NTN5: variants seen among roughly 807,000 people sequenced by gnomAD.
The protein encoded by NTN5 is netrin-5.
A neutral mutation model predicts 38.7 loss-of-function variants in NTN5; 42 were observed. The ratio of observed to expected loss-of-function variants is 1.08; its 90% CI spans 0.85 to 1.40. NTN5 has a LOEUF of 1.40. Ranked by LOEUF, NTN5 falls within the 40% of genes most tolerant of loss-of-function variation. The probability of loss-of-function intolerance (pLI) is 0.00; values close to 1 mark genes in which losing one functional copy is unlikely to be tolerated. For missense variants in NTN5, 658 were observed against 716.5 expected, an observed-to-expected ratio of 0.92 and a Z score of 0.93; for synonymous variants, 329 against 303.9, an observed-to-expected ratio of 1.08 and a Z score of -0.86.
chr19:48,664,103 C>T (rs376971970), intron 4 of NTN5, 40 bp downstream of exon 4: 202 of 1,567,602 alleles, frequency 1.3e-4, no homozygotes, highest in Non-Finnish European at 1.7e-4. Context: ...GTCTCCTTCC[C>T]GCTCTACTCA....
chr19:48,671,809 C>T (rs1299840910), intron 1 of NTN5, among the ~76,000 whole-genome samples: 2 of 151,556 alleles, frequency 1.3e-5, no homozygotes, highest in Non-Finnish European at 2.9e-5. Context: ...CCCAGCCTCC[C>T]TGCCACCCGC....
chr19:48,670,284 C>G, intron 2 of NTN5, 72 bp downstream of exon 2: 1 of 1,336,600 alleles, frequency 7.5e-7, no homozygotes. Flanking sequence ...AGGGAACATC[C>G]TGCTCCCGTA....
At chr19:48,664,319 TG>T (rs2031634160) in intron 3 of NTN5, 27 bp from the exon 4 acceptor site, 1 of 1,605,796 alleles carries the variant, frequency 6.2e-7, no homozygotes, top group African/African-American at 1.3e-5. Flanking sequence ...GCTGGGGGCA[TG>T]GGGTATCAGG....
chr19:48,663,735 G>A, intron 5 of NTN5, 26 bp downstream of exon 5: 1 of 1,611,964 alleles, frequency 6.2e-7, no homozygotes, highest in South Asian at 1.1e-5. Flanking sequence ...TTGCCACTCA[G>A]GGACCTCCGT....
chr19:48,668,240 G>A (rs1215199429), intron 2 of NTN5, among the ~76,000 whole-genome samples: 3 of 152,244 alleles, frequency 2.0e-5, no homozygotes, highest in South Asian at 4.1e-4. Flanking sequence ...TGAGACTTAG[G>A]GCAAGTGACC....
rs867821706 is a variant in NTN5 at position 48,669,243 on chromosome 19, C to T, written c.631+1113G>A. On this transcript the variant is annotated intron_variant, in intron 2 of 6. Transcript: ENST00000270235. ...ACCACCACGACCATCATCACCACCA[C>T]CACCATCACCACCACCACGACCATC... 3.3e-3 allele frequency among the ~76,000 whole-genome samples: 51 copies of T among 15,618 alleles called. 6 individuals are homozygous for T. The East Asian group carries it at 0.08, about 24-fold the overall frequency. 10.2% of individuals were successfully genotyped at this position (15,618 alleles called of 152,430 possible). A position where few individuals can be genotyped will look rare whatever the true frequency, so the allele number is the denominator to read the frequency against.
intron 2 of NTN5, among the ~76,000 whole-genome samples, chr19:48,669,126 ACCAT>A (rs1328571442): frequency 7.3e-6 from 1 of 136,170 alleles, no homozygotes; most frequent in Admixed American, 7.2e-5. Flanking sequence ...CACCACCACC[ACCAT>A]CATCATATCA....
Position 48,670,457 on chromosome 19 carries a change from C to T in NTN5, c.530G>A (p.Cys177Tyr). The T allele has an allele frequency of 1.4e-6, 2 of 1,476,692 alleles. No homozygotes were observed. Among genetic ancestry groups the T allele is most frequent in the Non-Finnish European group, 1.8e-6 (2 of 1,114,094 alleles). 91.5% of individuals were successfully genotyped at this position (1,476,692 alleles called of 1,614,324 possible). The change falls in exon 2 of 7, where the codon TGC becomes TAC. Residue 177 changes from cysteine to tyrosine, a missense_variant. Coordinates refer to ENST00000270235, the MANE Select transcript of NTN5 (RefSeq NM_145807.4). ...AARARPPRCH[C>Y]RHHTTGPGCE... Reference sequence around the variant, plus strand: ...CCCCGGGCCAGTGGTATGGTGGCGGCAGTGGCAGCGGGGGGGCCGGGCACG... The same window carrying T: ...CCCCGGGCCAGTGGTATGGTGGCGGTAGTGGCAGCGGGGGGGCCGGGCACG...
At position 48,670,637 on chromosome 19, in the gene NTN5, C is replaced by T. The variant is rs1475376379; in HGVS notation, c.350G>A (p.Gly117Asp). Reference sequence around the variant, plus strand: ...GGAGTGGAAGGTCACCCTTTCAGGGCCCCCTAAGGCCCCAGGCCAGGCGGG... The same window carrying T: ...GGAGTGGAAGGTCACCCTTTCAGGGTCCCCTAAGGCCCCAGGCCAGGCGGG... ...HRPAWPGALG[G>D]PERVTFHSTP... The change falls in exon 2 of 7, where the codon GGC becomes GAC. Residue 117 changes from glycine to aspartate, a missense_variant. By Grantham distance (94) the Gly-to-Asp change is moderately conservative. Transcript: ENST00000270235. 3.1e-6 allele frequency: 5 copies of T among 1,601,648 alleles called. No individual in the cohort carries two copies. Among genetic ancestry groups the T allele is most frequent in the Non-Finnish European group, 4.3e-6 (5 of 1,174,968 alleles).
chr19:48,669,841 C>A (rs1229845440), intron 2 of NTN5, among the ~76,000 whole-genome samples: 6 of 130,732 alleles, frequency 4.6e-5, no homozygotes, highest in African/African-American at 1.4e-4. Context: ...TCACCATCAC[C>A]ACCACTACCA....
At chr19:48,666,849 A>T (rs1213353968) in intron 2 of NTN5, among the ~76,000 whole-genome samples, 1 of 151,338 alleles carries the variant, frequency 6.6e-6, no homozygotes, top group East Asian at 2.0e-4. Flanking sequence ...ACACCAGGCT[A>T]CTTTAAAATT....
Position 48,664,594 on chromosome 19 carries a change from G to A in NTN5, c.805C>T (p.Arg269Cys), listed in dbSNP as rs114909456. 943 of 1,612,630 alleles carry A rather than the reference G, an allele frequency of 5.8e-4. 6 individuals carry two copies. The African/African-American group carries it at 0.011, about 19-fold the overall frequency. Residue 269 changes from arginine (R) to cysteine (C), a missense_variant, in exon 3 of 7, where the codon CGC (arginine) becomes TGC (cysteine). Transcript: ENST00000270235. The stretch of plus-strand genomic sequence containing the variant: ...CCACACTCACCTCTGCAGGCCCTGC[G>A]GCTGAAGATAGGCTGGCTAGGGTCC... The part of the protein sequence containing the change: ...WRDPSQPIFS[R>C]RACRACQCHP...
chr19:48,669,891 TCACCACCACCATCAC>T (rs2031891942), intron 2 of NTN5, among the ~76,000 whole-genome samples: 2 of 51,684 alleles, frequency 3.9e-5, no homozygotes, highest in East Asian at 6.3e-4. Flanking sequence ...ACCATCACCA[TCACCACCACCATCAC>T]CACCACCACC....
At position 48,663,775 on chromosome 19, in the gene NTN5, C is replaced by G; in HGVS notation, c.1010G>C (p.Gly337Ala). Residue 337 changes from glycine to alanine, a missense_variant, in exon 5 of 7, where the codon GGT becomes GCT. Physicochemically the swap from Gly to Ala is moderately conservative, Grantham distance 60. Transcript: ENST00000270235. ...GACTGTCTTACCAGAGCTATAAGCA[C>G]CAGGAGTAGTGGCAAGGGTGGTTGT... ...EATTTLATTP[G>A]AYSSDPQCQN... 6.2e-7 allele frequency: 1 copy of G among 1,614,052 alleles called. No homozygotes were observed.
intron 6 of NTN5, chr19:48,663,033 T>TAGATCTC: frequency 2.7e-6 from 1 of 367,118 alleles, no homozygotes; most frequent in South Asian, 2.0e-5. Context: ...GGAGCAGGTG[T>TAGATCTC]GGACTGGGGA....
At chr19:48,663,051 ACCGTGGG>A in intron 6 of NTN5, 4 of 373,894 alleles carry the variant, frequency 1.1e-5, no homozygotes, top group South Asian at 4.0e-5. Context: ...GGATTAGGGA[ACCGTGGG>A]ACAAGTCTTT....
At chr19:48,663,998 G>T in intron 4 of NTN5, 145 bp downstream of exon 4, 1 of 1,205,450 alleles carries the variant, frequency 8.3e-7, no homozygotes, top group South Asian at 1.5e-5. Flanking sequence ...TTCAGTCCCT[G>T]CTTATCCGAG....
intron 6 of NTN5, chr19:48,662,938 C>T (rs1367257926): frequency 1.1e-5 from 3 of 274,888 alleles, no homozygotes; most frequent in Admixed American, 8.8e-5. Flanking sequence ...AAATAGCTGG[C>T]GTTGGTCTAG....
chr19:48,666,273 G>C (rs1399411522), intron 2 of NTN5, among the ~76,000 whole-genome samples: 1 of 152,190 alleles, frequency 6.6e-6, no homozygotes, highest in Non-Finnish European at 1.5e-5. Context: ...GGATTATTTA[G>C]CATGTGCATT....
Sources: allele counts gnomAD v4.1 joint callset (sites outside exome capture counted in the v4.1 genomes callset), GRCh38; gene constraint gnomAD v4.1.1; transcripts MANE v1.5; gene names NCBI Gene and HGNC (gene_info 2026-07-23, HGNC 2026-07-21).